Variants in SYN3 observed in about 807,000 individuals in gnomAD.
SYN3 encodes synapsin-3.
A neutral mutation model predicts 65.8 loss-of-function variants in SYN3; 35 were observed. The observed-to-expected ratio is 0.53, with a 90% CI of 0.41 to 0.70. The LOEUF is 0.70. SYN3 is among the 30% of genes least tolerant of loss of function. The pLI is 0.00. For synonymous variants in SYN3, 270 were observed against 292.9 expected, an observed-to-expected ratio of 0.92 and a Z score of 0.80; for missense variants, 680 against 749.0, an observed-to-expected ratio of 0.91 and a Z score of 1.08.
At chr22:32,918,038 A>G (rs1481157331) in intron 4 of SYN3, among the ~76,000 whole-genome samples, 1 of 152,188 alleles carries the variant, frequency 6.6e-6, no homozygotes, top group Non-Finnish European at 1.5e-5. Context: ...CCGCCTGGGG[A>G]CACAAGGCTG....
intron 1 of SYN3, among the ~76,000 whole-genome samples, chr22:33,023,459 G>A (rs563027503): frequency 1.3e-5 from 2 of 152,178 alleles, no homozygotes; most frequent in African/African-American, 4.8e-5. Context: ...ATGTGGAACT[G>A]GAAGTTCATT....
chr22:33,052,954 TATAA>T (rs897689305), intron 1 of SYN3, among the ~76,000 whole-genome samples: 3 of 152,234 alleles, frequency 2.0e-5, no homozygotes, highest in African/African-American at 7.2e-5. Context: ...ATAGCTGTAT[TATAA>T]ATAGTGTACA....
chr22:32,568,431 G>A (rs1399154369), intron 7 of SYN3, among the ~76,000 whole-genome samples: 1 of 152,196 alleles, frequency 6.6e-6, no homozygotes, highest in African/African-American at 2.4e-5. Context: ...AAACAAATAA[G>A]CAGATAGTGT....
At chr22:32,797,646 T>C (rs999031861) in intron 6 of SYN3, among the ~76,000 whole-genome samples, 1 of 152,210 alleles carries the variant, frequency 6.6e-6, no homozygotes, top group Non-Finnish European at 1.5e-5. Context: ...CCTAGGACTT[T>C]GGCATCACAA....
intron 7 of SYN3, among the ~76,000 whole-genome samples, chr22:32,566,051 G>A (rs1258366751): frequency 6.6e-6 from 1 of 152,028 alleles, no homozygotes; most frequent in African/African-American, 2.4e-5. Context: ...CTATGTTGCT[G>A]AGGCTGGTCT....
At chr22:32,540,063 C>T (rs4821071) in intron 8 of SYN3, among the ~76,000 whole-genome samples, 57,985 of 151,986 alleles carry the variant, frequency 0.38, 11,679 homozygotes, top group East Asian at 0.7. Context: ...TTCCTGGGAA[C>T]ACTTCCTTCT....
intron 11 of SYN3, among the ~76,000 whole-genome samples, 169 bp from the exon 12 acceptor site, chr22:32,528,174 G>C (rs941686451): frequency 1.3e-5 from 2 of 152,226 alleles, no homozygotes; most frequent in African/African-American, 4.8e-5. Context: ...TGTATACGTC[G>C]GTGTAACCAC....
chr22:32,524,317 C>G lies in SYN3; in HGVS notation c.1318+3601G>C, dbSNP rs78692713. 3.8e-3 allele frequency among the ~76,000 whole-genome samples: 579 copies of G among 152,304 alleles called. 2 individuals are homozygous for G. The highest frequency in any genetic ancestry group is 0.012 in the African/African-American group (482 of 41,560). On this transcript the variant is annotated intron_variant, in intron 12 of 13. Transcript: ENST00000358763. ...AAGAGGAGAAGTCAATGCCTGGCTTCAAAGCTTCAAAGGATAGGCTGACTC... is the reference window on the plus strand; with the variant it reads ...AAGAGGAGAAGTCAATGCCTGGCTTGAAAGCTTCAAAGGATAGGCTGACTC...
chr22:32,743,883 A>G (rs1052861500), intron 6 of SYN3, among the ~76,000 whole-genome samples: 1 of 152,092 alleles, frequency 6.6e-6, no homozygotes, highest in South Asian at 2.1e-4. Flanking sequence ...TCCAGAGGCT[A>G]CAGGTGTCAT....
chr22:32,575,114 G>A (rs77970132), intron 7 of SYN3, among the ~76,000 whole-genome samples: 5,949 of 152,284 alleles, frequency 0.039, 358 homozygotes, highest in African/African-American at 0.13. Context: ...CCGGGAGCCC[G>A]GCTGGGTGGG....
intron 6 of SYN3, among the ~76,000 whole-genome samples, chr22:32,646,145 G>A (rs898812465): frequency 1.3e-5 from 2 of 152,158 alleles, no homozygotes; most frequent in Admixed American, 6.5e-5. Context: ...CGTGCATCCA[G>A]GAAGAGCACA....
chr22:32,680,061 G>A (rs974910101), intron 6 of SYN3, among the ~76,000 whole-genome samples: 1 of 151,938 alleles, frequency 6.6e-6, no homozygotes, highest in African/African-American at 2.4e-5. Context: ...GCACCTCAAT[G>A]CCTGACATGT....
intron 6 of SYN3, among the ~76,000 whole-genome samples, chr22:32,824,819 C>T (rs774390419): frequency 6.6e-6 from 1 of 152,172 alleles, no homozygotes; most frequent in Non-Finnish European, 1.5e-5. Context: ...TTTGCATTCA[C>T]TCTCTGACCA....
intron 7 of SYN3, among the ~76,000 whole-genome samples, chr22:32,553,620 T>C (rs2058448470): frequency 1.5e-5 from 1 of 68,030 alleles, no homozygotes; most frequent in African/African-American, 6.2e-5. Context: ...CACCCATGTA[T>C]TATATAACAA....
intron 6 of SYN3, among the ~76,000 whole-genome samples, chr22:32,659,529 G>T (rs2060188146): frequency 6.6e-6 from 1 of 152,164 alleles, no homozygotes; most frequent in African/African-American, 2.4e-5. Flanking sequence ...TGTGCACCCA[G>T]TAACTGCATT....
intron 9 of SYN3, among the ~76,000 whole-genome samples, chr22:32,536,028 G>A (rs970036110): frequency 7.9e-5 from 12 of 152,208 alleles, no homozygotes; most frequent in Admixed American, 2.6e-4. Context: ...GCCTGGGCAG[G>A]CCCACTCCCA....
intron 6 of SYN3, among the ~76,000 whole-genome samples, chr22:32,717,968 T>C (rs2061061665): frequency 1.3e-5 from 2 of 152,208 alleles, no homozygotes; most frequent in Non-Finnish European, 2.9e-5. Flanking sequence ...AGAATGAGGC[T>C]CTCTGTAGCT....
intron 2 of SYN3, among the ~76,000 whole-genome samples, 179 bp from the exon 3 acceptor site, chr22:32,980,881 T>G (rs144675773): frequency 8.3e-4 from 126 of 151,648 alleles, no homozygotes; most frequent in African/African-American, 2.8e-3. Flanking sequence ...TGAGACGGAG[T>G]TTCACTCTTG....
chr22:32,594,334 G>A (rs879364770), intron 7 of SYN3, among the ~76,000 whole-genome samples: 1 of 152,142 alleles, frequency 6.6e-6, no homozygotes, highest in Admixed American at 6.5e-5. Flanking sequence ...ACTCTGAAGG[G>A]AGGACTCTTT....
Sources: allele counts gnomAD v4.1 joint callset (sites outside exome capture counted in the v4.1 genomes callset), GRCh38; gene constraint gnomAD v4.1.1; transcripts MANE v1.5; gene names NCBI Gene and HGNC (gene_info 2026-07-23, HGNC 2026-07-21).